The following HMCN1 variants were observed in gnomAD, a reference collection of about 807,000 sequenced individuals.
HMCN1 encodes hemicentin 1, also known as hemicentin-1.
A neutral mutation model predicts 625.9 loss-of-function variants in HMCN1; 321 were observed. The observed-to-expected ratio is 0.51, with a 90% CI of 0.47 to 0.56. The LOEUF (loss-of-function observed/expected upper bound fraction) is 0.56, where lower values mean the gene tolerates loss of function less well. Among genes scored for constraint, HMCN1 ranks in the 20% least tolerant of loss-of-function variants. The probability of loss-of-function intolerance (pLI) is 0.00; values close to 1 mark genes in which losing one functional copy is unlikely to be tolerated. For synonymous variants in HMCN1, 2,425 were observed against 2,417.6 expected, an observed-to-expected ratio of 1.00 and a Z score of -0.09; for missense variants, 6,588 against 6,887.3, an observed-to-expected ratio of 0.96 and a Z score of 1.54.
intron 29 of HMCN1, among the ~76,000 whole-genome samples, chr1:186,004,418 GA>G (rs1234170338): frequency 6.6e-6 from 1 of 152,040 alleles, no homozygotes; most frequent in Non-Finnish European, 1.5e-5. Context: ...AAATAGTCAA[GA>G]TTTGTGGTAT....
intron 11 of HMCN1, among the ~76,000 whole-genome samples, chr1:185,948,880 G>A (rs1668490667): frequency 6.6e-6 from 1 of 151,828 alleles, no homozygotes; most frequent in South Asian, 2.1e-4. Context: ...TGGGAACCTA[G>A]AGTGGGAGAG....
intron 42 of HMCN1, 30 bp downstream of exon 42, chr1:186,048,869 A>G (rs1404018022): frequency 3.8e-6 from 5 of 1,331,078 alleles, no homozygotes; most frequent in East Asian, 2.3e-5. Flanking sequence ...GAAAGCAAAT[A>G]ATGCAGCTGT....
At chr1:185,918,562 C>A (rs1666845367) in intron 6 of HMCN1, among the ~76,000 whole-genome samples, 1 of 152,130 alleles carries the variant, frequency 6.6e-6, no homozygotes, top group Non-Finnish European at 1.5e-5. Flanking sequence ...ATCTAGGTAT[C>A]CTTCAATCCA....
chr1:185,971,727 G>A (rs1650848986), intron 15 of HMCN1, among the ~76,000 whole-genome samples: 1 of 152,022 alleles, frequency 6.6e-6, no homozygotes, highest in South Asian at 2.1e-4. Flanking sequence ...TTTCATGTAA[G>A]CTAAATTTTT....
At chr1:186,146,487 G>T (rs1372377293) in intron 93 of HMCN1, among the ~76,000 whole-genome samples, 3 of 152,118 alleles carry the variant, frequency 2.0e-5, no homozygotes, top group Admixed American at 2.0e-4. Flanking sequence ...GTCTCAGAAG[G>T]CAGGCTTCTA....
chr1:186,088,193 T>C lies in HMCN1; in HGVS notation c.9494T>C (p.Ile3165Thr). The C allele has an allele frequency of 6.2e-7, 1 of 1,612,700 alleles. No homozygotes were observed. Among genetic ancestry groups the C allele is most frequent in the Non-Finnish European group, 8.5e-7 (1 of 1,179,274 alleles). ...GPEREVIVET[I>T]SNPVTLTCDA... is the part of the protein sequence containing the mutation. ...GAAAGAGAAGTGATTGTGGAGACGA[T>C]CAGCAATCCTGTGACATTAACATGT... is the stretch of plus-strand genomic sequence containing the variant. Residue 3165 changes from isoleucine to threonine, a missense_variant, in exon 62 of 107, where the codon ATC becomes ACC. Around this residue, in one of 3 missense-constraint regions of HMCN1, gnomAD observed 4,628 missense variants for 4,853.1 expected, o/e 0.95. Transcript: ENST00000271588.
intron 36 of HMCN1, among the ~76,000 whole-genome samples, chr1:186,029,556 C>G (rs1219233012): frequency 7.3e-6 from 1 of 136,942 alleles, no homozygotes; most frequent in Admixed American, 7.2e-5. Flanking sequence ...TTTTTTATTT[C>G]TGTAAGATTG....
intron 6 of HMCN1, among the ~76,000 whole-genome samples, chr1:185,921,001 GA>G (rs1304277019): frequency 5.9e-5 from 9 of 152,172 alleles, no homozygotes; most frequent in Non-Finnish European, 8.8e-5. Flanking sequence ...ATTGACATTA[GA>G]ATTACCAAAG....
chr1:186,127,682 A>G (rs1414691061), intron 82 of HMCN1, among the ~76,000 whole-genome samples: 1 of 152,082 alleles, frequency 6.6e-6, no homozygotes. Flanking sequence ...TTCTCTTACC[A>G]TTTCCTCTGA....
intron 40 of HMCN1, among the ~76,000 whole-genome samples, chr1:186,042,714 G>C (rs935549928): frequency 2.6e-5 from 4 of 152,132 alleles, no homozygotes; most frequent in African/African-American, 9.7e-5. Context: ...AAAAGTGTAA[G>C]ATTAAAACAG....
rs1653623673 is a variant in HMCN1 at position 186,190,010 on chromosome 1, TGCCTTCCTTG to T, written c.*134_*143del. 4.0e-6 allele frequency: 4 copies of T among 1,009,482 alleles called. No homozygotes were observed. In the South Asian group the frequency reaches 5.2e-5, roughly 13 times the overall value. The allele number at this position is 1,009,482 out of a possible 1,614,324, so 62.5% of individuals were successfully genotyped here. ...AAATGGTGCTACACTCTGTTTTGTGTGCCTTCCTTGGTACTTCTGAGGTATTTTCATGATC... is the reference window on the plus strand; with the variant it reads ...AAATGGTGCTACACTCTGTTTTGTGTGTACTTCTGAGGTATTTTCATGATC... On this transcript the variant is annotated 3_prime_UTR_variant, in exon 107 of 107. Transcript: ENST00000271588.
intron 25 of HMCN1, among the ~76,000 whole-genome samples, chr1:185,999,720 G>C (rs540523539): frequency 6.6e-6 from 1 of 152,062 alleles, no homozygotes; most frequent in East Asian, 1.9e-4. Context: ...CATCCAGTCC[G>C]TAGGATTAAT....
intron 1 of HMCN1, among the ~76,000 whole-genome samples, chr1:185,796,228 A>C (rs1281286080): frequency 6.6e-6 from 1 of 152,168 alleles, no homozygotes; most frequent in Non-Finnish European, 1.5e-5. Context: ...CCTTCCATGC[A>C]CAGTTCACGA....
chr1:185,838,325 A>G (rs563505396), intron 1 of HMCN1, among the ~76,000 whole-genome samples: 74 of 152,318 alleles, frequency 4.9e-4, no homozygotes, highest in African/African-American at 1.6e-3. Context: ...TTGCAAGTGC[A>G]TGTAAAGCTT....
chr1:186,078,939 A>G (rs1381077708), intron 55 of HMCN1, among the ~76,000 whole-genome samples: 1 of 152,234 alleles, frequency 6.6e-6, no homozygotes, highest in Non-Finnish European at 1.5e-5. Context: ...GTTACAAGGA[A>G]AAGAGATGAG....
rs376961899 is a variant in HMCN1, at chr1:186,094,028, T to A, written c.10197-248T>A. On this transcript the variant is annotated intron_variant, in intron 66 of 106. Coordinates refer to ENST00000271588, the MANE Select transcript of HMCN1 (RefSeq NM_031935.3). Reference sequence around the variant, plus strand: ...ATGTTAGCAGCATTCTCTATTAATATATATTTGAAAAATATTCACCTCTTA... The same window carrying A: ...ATGTTAGCAGCATTCTCTATTAATAAATATTTGAAAAATATTCACCTCTTA... 2.6e-5 allele frequency among the ~76,000 whole-genome samples: 4 copies of A among 152,216 alleles called. No homozygotes were observed. In the East Asian group the frequency reaches 5.8e-4, roughly 22 times the overall value.
rs761563531 is a variant in HMCN1 at position 186,044,694 on chromosome 1, A to AT, written c.6305-993dup. ...TATGGCAAATTTTCTACAGCCCTGCATAGTGATGGGGTTTCATGAAAAATG... is the reference window on the plus strand; with the variant it reads ...TATGGCAAATTTTCTACAGCCCTGCATTAGTGATGGGGTTTCATGAAAAATG... On this transcript the variant is annotated intron_variant, in intron 40 of 106. Transcript: ENST00000271588. 1.1e-4 allele frequency among the ~76,000 whole-genome samples: 16 copies of AT among 152,144 alleles called. 1 individual carries two copies. The highest frequency in any genetic ancestry group is 1.6e-4 in the Non-Finnish European group (11 of 68,020).
intron 3 of HMCN1, 106 bp from the exon 4 acceptor site, chr1:185,865,635 A>G: frequency 1.2e-6 from 1 of 828,142 alleles, no homozygotes; most frequent in East Asian, 2.7e-5. Context: ...ACACACATTC[A>G]CATATTCTAC....
chr1:185,766,536 T>G (rs1305848429), intron 1 of HMCN1, among the ~76,000 whole-genome samples: 1 of 152,138 alleles, frequency 6.6e-6, no homozygotes, highest in Non-Finnish European at 1.5e-5. Context: ...TAGCAGAAGA[T>G]GGCCCCAAAA....
Sources: allele counts gnomAD v4.1 joint callset (sites outside exome capture counted in the v4.1 genomes callset), GRCh38; gene constraint gnomAD v4.1.1; regional missense constraint gnomAD v4.1.1; transcripts MANE v1.5; gene names NCBI Gene and HGNC (gene_info 2026-07-23, HGNC 2026-07-21).